INPP4B: variants seen among roughly 807,000 people sequenced by gnomAD.
INPP4B encodes the protein inositol polyphosphate-4-phosphatase type II B.
INPP4B carries 55 observed loss-of-function variants against 122.5 expected under a neutral mutation model. The ratio of observed to expected loss-of-function variants is 0.45; its 90% CI spans 0.36 to 0.56. The LOEUF is 0.56. INPP4B is among the 20% of genes least tolerant of loss of function. The pLI, the probability that INPP4B is intolerant of heterozygous loss-of-function variation, is 0.00. For missense variants in INPP4B, 1,000 were observed against 1,097.7 expected, an observed-to-expected ratio of 0.91 and a Z score of 1.26; for synonymous variants, 403 against 388.7, an observed-to-expected ratio of 1.04 and a Z score of -0.43.
intron 1 of INPP4B, among the ~76,000 whole-genome samples, chr4:142,754,463 C>T (rs369252335): frequency 6.6e-6 from 1 of 151,948 alleles, no homozygotes; most frequent in African/African-American, 2.4e-5. Context: ...CTGCCTACGC[C>T]AATATTCACT....
intron 7 of INPP4B, among the ~76,000 whole-genome samples, chr4:142,343,284 T>G (rs1211040591): frequency 6.6e-6 from 1 of 152,080 alleles, no homozygotes; most frequent in East Asian, 1.9e-4. Flanking sequence ...ATTGATATTC[T>G]GACTGGTAAA....
At chr4:142,754,178 C>A (rs1337607841) in intron 1 of INPP4B, among the ~76,000 whole-genome samples, 2 of 151,982 alleles carry the variant, frequency 1.3e-5, no homozygotes, top group Non-Finnish European at 2.9e-5. Flanking sequence ...TCCTTTTATA[C>A]CTTTAATAAT....
rs60037426 is a variant in INPP4B, at chr4:142,517,120, T to C, written c.-190-54394A>G. On this transcript the variant is annotated intron_variant, in intron 2 of 25. Coordinates refer to ENST00000262992, the MANE Select transcript of INPP4B (RefSeq NM_001101669.3). Reference sequence around the variant, plus strand: ...CCTTCACAATTCCCACCTTCCACCCTCTGCATACCAGGCCCAGGAAATAAA... The same window carrying C: ...CCTTCACAATTCCCACCTTCCACCCCCTGCATACCAGGCCCAGGAAATAAA... Among the ~76,000 whole-genome samples, 1,107 of 151,988 alleles carry C rather than the reference T, an allele frequency of 7.3e-3. 15 individuals carry two copies. The highest frequency in any genetic ancestry group is 0.025 in the African/African-American group (1,048 of 41,434).
chr4:142,682,599 CAA>C (rs1300524733), intron 2 of INPP4B, among the ~76,000 whole-genome samples: 1 of 151,836 alleles, frequency 6.6e-6, no homozygotes, highest in African/African-American at 2.4e-5. Flanking sequence ...CACTTTCATG[CAA>C]AGACTATAAC....
intron 25 of INPP4B, among the ~76,000 whole-genome samples, chr4:142,068,176 T>C (rs1260110557): frequency 6.6e-6 from 1 of 152,174 alleles, no homozygotes; most frequent in Non-Finnish European, 1.5e-5. Flanking sequence ...GGGCCAATAT[T>C]CAACAATCTT....
At chr4:142,066,635 T>G (rs1763641028) in intron 25 of INPP4B, among the ~76,000 whole-genome samples, 1 of 152,324 alleles carries the variant, frequency 6.6e-6, no homozygotes, top group Non-Finnish European at 1.5e-5. Flanking sequence ...AATAATGTGC[T>G]TTTCCAATGG....
At chr4:142,753,484 G>T (rs1770033048) in intron 1 of INPP4B, among the ~76,000 whole-genome samples, 1 of 152,026 alleles carries the variant, frequency 6.6e-6, no homozygotes, top group Admixed American at 6.6e-5. Context: ...CAGCTGGTAT[G>T]ATAAAGACCA....
At chr4:142,169,565 T>G (rs1356249177) in intron 16 of INPP4B, among the ~76,000 whole-genome samples, 1 of 151,728 alleles carries the variant, frequency 6.6e-6, no homozygotes, top group Admixed American at 6.6e-5. Flanking sequence ...ATTGTATATG[T>G]TTCAGAATAC....
At chr4:142,217,419 G>T (rs566447395) in intron 12 of INPP4B, among the ~76,000 whole-genome samples, 2 of 152,178 alleles carry the variant, frequency 1.3e-5, no homozygotes, top group South Asian at 4.2e-4. Flanking sequence ...CTTGCAGATT[G>T]TTGTTCTTAT....
At chr4:142,360,060 C>T (rs2148522045) in intron 7 of INPP4B, among the ~76,000 whole-genome samples, 1 of 151,830 alleles carries the variant, frequency 6.6e-6, no homozygotes, top group East Asian at 1.9e-4. Flanking sequence ...ATAAGAGGGC[C>T]TTTAAAGAAA....
chr4:142,127,120 C>G (rs1476305081), intron 18 of INPP4B, among the ~76,000 whole-genome samples: 1 of 152,142 alleles, frequency 6.6e-6, no homozygotes. Context: ...CTACTTTGCA[C>G]TTACTGCATT....
intron 9 of INPP4B, among the ~76,000 whole-genome samples, chr4:142,292,018 A>AT (rs1261608291): frequency 2.0e-5 from 3 of 152,110 alleles, no homozygotes; most frequent in Non-Finnish European, 2.9e-5. Flanking sequence ...GTCTCAATAT[A>AT]TTTTTTCAAA....
intron 2 of INPP4B, among the ~76,000 whole-genome samples, chr4:142,618,202 T>G (rs1744118241): frequency 6.6e-6 from 1 of 151,842 alleles, no homozygotes; most frequent in South Asian, 2.1e-4. Context: ...AAAATATCAA[T>G]GGTACTGTCT....
At chr4:142,734,135 G>A (rs1050773006) in intron 1 of INPP4B, among the ~76,000 whole-genome samples, 1 of 152,082 alleles carries the variant, frequency 6.6e-6, no homozygotes, top group Non-Finnish European at 1.5e-5. Flanking sequence ...CTTTAGAGTG[G>A]TGCTCTAATC....
At chr4:142,165,399 G>A (rs868412376) in intron 16 of INPP4B, among the ~76,000 whole-genome samples, 14 of 151,400 alleles carry the variant, frequency 9.2e-5, no homozygotes, top group Admixed American at 6.6e-5. Context: ...CATTCCATAG[G>A]GATACTTTCC....
At chr4:142,105,547 T>A (rs1442881837) in intron 23 of INPP4B, among the ~76,000 whole-genome samples, 4 of 152,320 alleles carry the variant, frequency 2.6e-5, no homozygotes, top group African/African-American at 9.6e-5. Context: ...GCCACTTGAC[T>A]GGGAGTGAAT....
intron 18 of INPP4B, among the ~76,000 whole-genome samples, chr4:142,133,666 T>A (rs867056274): frequency 3.3e-5 from 5 of 152,238 alleles, no homozygotes; most frequent in Admixed American, 2.0e-4. Flanking sequence ...GTTACCTGTT[T>A]AATGTCACCT....
chr4:142,585,739 G>C lies in INPP4B; in HGVS notation c.-190-123013C>G, dbSNP rs138336430. The stretch of plus-strand genomic sequence containing the variant: ...TGTCCTCCATACTCTAGGGCCATGA[G>C]TTGTTTCTTTGAAGTATCTCTTTCC... On this transcript the variant is annotated intron_variant, in intron 2 of 25. Coordinates refer to ENST00000262992, the MANE Select transcript of INPP4B (RefSeq NM_001101669.3). Among the ~76,000 whole-genome samples the C allele has an allele frequency of 5.2e-3, 791 of 152,072 alleles. 6 individuals are homozygous for C. Among genetic ancestry groups the C allele is most frequent in the African/African-American group, 0.017 (717 of 41,496 alleles).
intron 12 of INPP4B, among the ~76,000 whole-genome samples, chr4:142,226,524 G>T (rs1279811155): frequency 6.6e-6 from 1 of 152,154 alleles, no homozygotes; most frequent in Non-Finnish European, 1.5e-5. Context: ...CTTCCTAAAA[G>T]ATAATTCCAA....
Sources: gnomAD v4.1 joint callset for allele counts (sites outside exome capture counted in the v4.1 genomes callset) on GRCh38, gnomAD v4.1.1 for gene constraint, MANE v1.5 for transcripts, NCBI Gene and HGNC (gene_info 2026-07-23, HGNC 2026-07-21) for gene names.